CSGALNACT1: variants seen among roughly 807,000 people sequenced by gnomAD.
CSGALNACT1 encodes chondroitin sulfate N-acetylgalactosaminyltransferase 1.
A neutral mutation model predicts 51.0 loss-of-function variants in CSGALNACT1; 52 were observed. The observed-to-expected ratio is 1.02, with a 90% CI of 0.82 to 1.29. The LOEUF (loss-of-function observed/expected upper bound fraction) is 1.29. Among genes scored for constraint, CSGALNACT1 ranks in the 50% most tolerant of loss-of-function variants. The pLI, the probability that CSGALNACT1 is intolerant of heterozygous loss-of-function variation, is 0.00. For synonymous variants in CSGALNACT1, 341 were observed against 254.4 expected (o/e 1.34, Z -3.24); for missense variants, 935 against 679.2 (o/e 1.38, Z -4.19).
At chr8:19,730,636 G>C (rs1388940) in intron 1 of CSGALNACT1, among the ~76,000 whole-genome samples, 2 of 152,050 alleles carry the variant, frequency 1.3e-5, no homozygotes, top group Non-Finnish European at 2.9e-5. Context: ...AGCTACAGGG[G>C]TGATGCCCAC....
At chr8:19,407,917 G>GGACATT (rs1563251421) in intron 9 of CSGALNACT1, among the ~76,000 whole-genome samples, 3 of 79,372 alleles carry the variant, frequency 3.8e-5, no homozygotes, top group East Asian at 4.1e-3. Flanking sequence ...GTGTGTGTGT[G>GGACATT]TGTGTGTGTG....
chr8:19,547,617 G>T (rs1478843263), intron 3 of CSGALNACT1, among the ~76,000 whole-genome samples: 1 of 152,196 alleles, frequency 6.6e-6, no homozygotes, highest in Non-Finnish European at 1.5e-5. Flanking sequence ...ATGTGGAACT[G>T]TGAGTCCACT....
At chr8:19,416,553 C>T (rs1354414444) in intron 8 of CSGALNACT1, among the ~76,000 whole-genome samples, 1 of 152,226 alleles carries the variant, frequency 6.6e-6, no homozygotes, top group Admixed American at 6.5e-5. Flanking sequence ...AATTCTAGTC[C>T]TGTATTACAA....
chr8:19,597,995 C>G (rs7836160), intron 2 of CSGALNACT1, among the ~76,000 whole-genome samples: 3,648 of 152,280 alleles, frequency 0.024, 157 homozygotes, highest in African/African-American at 0.083. Flanking sequence ...AGCAAAGGCT[C>G]CCCCCTTACC....
chr8:19,642,979 C>T (rs937784729), intron 1 of CSGALNACT1, among the ~76,000 whole-genome samples: 8 of 151,952 alleles, frequency 5.3e-5, no homozygotes, highest in South Asian at 2.1e-4. Context: ...ATTACAGGAG[C>T]TGGAAGAAAA....
In CSGALNACT1 at chr8:19,695,331, T is replaced by C. The variant is rs141350713; in HGVS notation, c.-297+62519A>G. ...GGATGGTTTCATTCCTGAAAGCCTA[T>C]GAGGGGGAAATAACTCAAATAGCAA... On this transcript the variant is annotated intron_variant, in intron 1 of 1. Transcript: ENST00000517494. Among the ~76,000 whole-genome samples, 492 of 152,278 alleles carry C rather than the reference T, an allele frequency of 3.2e-3. 8 individuals are homozygous for C. The highest frequency in any genetic ancestry group is 0.011 in the African/African-American group (460 of 41,552).
At chr8:19,457,382 G>A in intron 5 of CSGALNACT1, 1 of 345,812 alleles carries the variant, frequency 2.9e-6, no homozygotes. Flanking sequence ...AGAGGCCGAG[G>A]TGAGCAGATC....
chr8:19,537,386 C>A (rs1327699951), intron 3 of CSGALNACT1, among the ~76,000 whole-genome samples: 1 of 152,100 alleles, frequency 6.6e-6, no homozygotes, highest in Non-Finnish European at 1.5e-5. Context: ...CTCCACCCTT[C>A]GATTATGGTA....
intron 1 of CSGALNACT1, among the ~76,000 whole-genome samples, chr8:19,669,434 AATTTTT>A (rs2059620242): frequency 6.6e-6 from 1 of 152,070 alleles, no homozygotes; most frequent in South Asian, 2.1e-4. Flanking sequence ...AACCGTTTCT[AATTTTT>A]TTGTTGTTGT....
chr8:19,549,569 C>T (rs1012061310), intron 3 of CSGALNACT1, among the ~76,000 whole-genome samples: 4 of 151,906 alleles, frequency 2.6e-5, no homozygotes, highest in African/African-American at 9.7e-5. Context: ...GTTCTCCAGG[C>T]CTGACACAGG....
chr8:19,643,120 A>G (rs550197902), intron 1 of CSGALNACT1, among the ~76,000 whole-genome samples: 8 of 152,210 alleles, frequency 5.3e-5, no homozygotes, highest in African/African-American at 1.9e-4. Flanking sequence ...TTACCTTTAT[A>G]TAGTAAGTTA....
chr8:19,712,065 A>G (rs2062541311), intron 1 of CSGALNACT1, among the ~76,000 whole-genome samples: 1 of 152,108 alleles, frequency 6.6e-6, no homozygotes. Flanking sequence ...TCGCTCTGTC[A>G]TCCAGGCTGG....
exon 1 of CSGALNACT1, chr8:19,602,482 G>C (rs1375246369): frequency 6.5e-6 from 1 of 152,808 alleles, no homozygotes; most frequent in East Asian, 1.9e-4. Flanking sequence ...CGCTGGTGAG[G>C]ACCGAGCGCA....
chr8:19,484,097 A>G (rs546667204), intron 4 of CSGALNACT1, among the ~76,000 whole-genome samples: 1 of 152,312 alleles, frequency 6.6e-6, no homozygotes, highest in Admixed American at 6.5e-5. Flanking sequence ...AGGAGCTGTC[A>G]CAGTGATCAG....
intron 3 of CSGALNACT1, among the ~76,000 whole-genome samples, chr8:19,553,511 C>A (rs2088757248): frequency 6.6e-6 from 1 of 150,846 alleles, no homozygotes; most frequent in African/African-American, 2.4e-5. Flanking sequence ...CAAAACAAAG[C>A]CTGCCAGTCA....
chr8:19,618,073 T>C (rs896579716), intron 1 of CSGALNACT1, among the ~76,000 whole-genome samples: 1 of 151,828 alleles, frequency 6.6e-6, no homozygotes, highest in Admixed American at 6.6e-5. Flanking sequence ...GAGATGGGGT[T>C]TCACTACATC....
At chr8:19,737,026 G>C (rs959309008) in intron 1 of CSGALNACT1, among the ~76,000 whole-genome samples, 3 of 151,976 alleles carry the variant, frequency 2.0e-5, no homozygotes, top group Admixed American at 1.3e-4. Flanking sequence ...AGATAAAAAA[G>C]GCATGTTTCT....
chr8:19,584,104 T>C (rs1311332276), intron 3 of CSGALNACT1, among the ~76,000 whole-genome samples: 1 of 152,216 alleles, frequency 6.6e-6, no homozygotes, highest in African/African-American at 2.4e-5. Flanking sequence ...ACAAAGTAAG[T>C]AGTAAAGAGG....
intron 1 of CSGALNACT1, among the ~76,000 whole-genome samples, chr8:19,636,218 A>C (rs546494876): frequency 6.6e-6 from 1 of 152,314 alleles, no homozygotes; most frequent in African/African-American, 2.4e-5. Flanking sequence ...GATCAGTTTC[A>C]CGTAACTTTT....
Sources: allele counts gnomAD v4.1 joint callset (sites outside exome capture counted in the v4.1 genomes callset), GRCh38; gene constraint gnomAD v4.1.1; transcripts MANE v1.5; gene names NCBI Gene and HGNC (gene_info 2026-07-23, HGNC 2026-07-21).